BCAR3: variants seen among roughly 807,000 people sequenced by gnomAD.
BCAR3 encodes BCAR3 adaptor protein, NSP family member.
BCAR3 carries 37 observed loss-of-function variants against 80.1 expected under a neutral mutation model. The ratio of observed to expected loss-of-function variants is 0.46; its 90% CI spans 0.36 to 0.61. The LOEUF (loss-of-function observed/expected upper bound fraction) is 0.61, where lower values mean the gene tolerates loss of function less well. Ranked by LOEUF, BCAR3 falls within the 20% of genes least tolerant of loss-of-function variation. The probability of loss-of-function intolerance (pLI) is 0.00; values close to 1 mark genes in which losing one functional copy is unlikely to be tolerated. For synonymous variants in BCAR3, 389 were observed against 418.9 expected, an observed-to-expected ratio of 0.93 and a Z score of 0.87; for missense variants, 978 against 1,068.2, an observed-to-expected ratio of 0.92 and a Z score of 1.18.
chr1:93,716,511 C>T (rs1650195502), intron 2 of BCAR3, among the ~76,000 whole-genome samples: 1 of 152,214 alleles, frequency 6.6e-6, no homozygotes, highest in Non-Finnish European at 1.5e-5. Flanking sequence ...TGACTCTTAT[C>T]TCTCTGTCTT....
intron 2 of BCAR3, among the ~76,000 whole-genome samples, chr1:93,831,296 G>A (rs1036127615): frequency 7.2e-5 from 11 of 152,038 alleles, no homozygotes; most frequent in East Asian, 1.9e-4. Flanking sequence ...GCAACTTTCC[G>A]CCCTCCATTC....
At chr1:93,705,504 ATTGT>A (rs374097257) in intron 3 of BCAR3, among the ~76,000 whole-genome samples, 1 of 152,322 alleles carries the variant, frequency 6.6e-6, no homozygotes, top group African/African-American at 2.4e-5. Flanking sequence ...TCAAATGCCA[ATTGT>A]TTGTTTAGAA....
intron 2 of BCAR3, among the ~76,000 whole-genome samples, chr1:93,834,547 T>C (rs918000210): frequency 6.6e-6 from 1 of 152,176 alleles, no homozygotes; most frequent in Non-Finnish European, 1.5e-5. Flanking sequence ...TTAGAATTCT[T>C]ACCCAAGAGC....
chr1:93,613,705 G>A (rs1461791630), intron 3 of BCAR3: 1 of 1,016,890 alleles, frequency 9.8e-7, no homozygotes, highest in African/African-American at 1.6e-5. Flanking sequence ...AGGGGCTCTT[G>A]AAGACCCATC....
At chr1:93,739,524 G>A (rs1157212797) in intron 2 of BCAR3, among the ~76,000 whole-genome samples, 1 of 152,132 alleles carries the variant, frequency 6.6e-6, no homozygotes, top group Non-Finnish European at 1.5e-5. Context: ...AGTTAACCTT[G>A]CCTATAGAAA....
chr1:93,567,171 ATCCT>A (rs1406819681), intron 11 of BCAR3, 104 bp downstream of exon 11: 2 of 1,334,568 alleles, frequency 1.5e-6, no homozygotes, highest in African/African-American at 2.9e-5. Context: ...CCATTCTTTA[ATCCT>A]TCCTTTTTGG....
At chr1:93,563,855 G>A (rs1043834556) in intron 11 of BCAR3, among the ~76,000 whole-genome samples, 1 of 152,196 alleles carries the variant, frequency 6.6e-6, no homozygotes, top group Non-Finnish European at 1.5e-5. Flanking sequence ...ACCACGCCTG[G>A]CTAATTTTTT....
At chr1:93,571,397 C>G (rs897592543) in intron 9 of BCAR3, 1 of 393,552 alleles carries the variant, frequency 2.5e-6, no homozygotes, top group South Asian at 2.2e-5. Context: ...CTACTTGAGG[C>G]TGAGGCATGA....
At chr1:93,747,260 C>A (rs1322176699) in intron 2 of BCAR3, among the ~76,000 whole-genome samples, 2 of 152,190 alleles carry the variant, frequency 1.3e-5, no homozygotes, top group Non-Finnish European at 2.9e-5. Context: ...GGAAACCAGG[C>A]TCAAAAGGCA....
intron 2 of BCAR3, among the ~76,000 whole-genome samples, chr1:93,647,500 C>G (rs1234263419): frequency 6.6e-6 from 1 of 152,154 alleles, no homozygotes; most frequent in African/African-American, 2.4e-5. Flanking sequence ...AAATCAGCTC[C>G]TCAGTTACAC....
rs1020816641 is a variant in BCAR3 at position 93,614,171 on chromosome 1, T to G, written c.358-21778A>C. 4.7e-6 allele frequency: 6 copies of G among 1,278,766 alleles called. No homozygotes were observed. In the African/African-American group the frequency reaches 9.1e-5, roughly 19 times the overall value. The allele number at this position is 1,278,766 out of a possible 1,614,324, so 79.2% of individuals were successfully genotyped here. ...TCGCAGGCTGGTGTCCAGCCTGCCA[T>G]GCACACAGTGCCAGAAATTCTCATG... On this transcript the variant is annotated intron_variant, in intron 3 of 11. Transcript: ENST00000260502.
intron 7 of BCAR3, among the ~76,000 whole-genome samples, chr1:93,580,543 A>G (rs1011794734): frequency 1.3e-5 from 2 of 151,938 alleles, no homozygotes; most frequent in Non-Finnish European, 2.9e-5. Context: ...CATTGGTATG[A>G]AACATGTAGA....
At chr1:93,757,211 G>A (rs894396314) in intron 2 of BCAR3, among the ~76,000 whole-genome samples, 7 of 152,282 alleles carry the variant, frequency 4.6e-5, no homozygotes, top group African/African-American at 1.7e-4. Context: ...CTTCCAAAAG[G>A]GGCACACAAT....
intron 2 of BCAR3, among the ~76,000 whole-genome samples, chr1:93,708,322 T>C (rs1280175057): frequency 1.3e-5 from 2 of 152,206 alleles, no homozygotes; most frequent in African/African-American, 2.4e-5. Flanking sequence ...CTCTGGCAGA[T>C]GGGACTGATG....
At chr1:93,676,773 A>C (rs1478656813) in intron 1 of BCAR3, among the ~76,000 whole-genome samples, 2 of 152,350 alleles carry the variant, frequency 1.3e-5, no homozygotes, top group East Asian at 3.9e-4. Context: ...GTCATTTCAA[A>C]GAACCTCGTG....
chr1:93,752,315 C>T (rs559415897), intron 2 of BCAR3, among the ~76,000 whole-genome samples: 1 of 152,342 alleles, frequency 6.6e-6, no homozygotes, highest in East Asian at 1.9e-4. Flanking sequence ...TTAGGAATGG[C>T]CCCAGAGCTC....
chr1:93,768,552 T>C (rs1349335055), intron 2 of BCAR3, among the ~76,000 whole-genome samples: 3 of 152,050 alleles, frequency 2.0e-5, no homozygotes, highest in Non-Finnish European at 4.4e-5. Context: ...TGAATCTTGG[T>C]AACTAGGAGA....
chr1:93,575,901 A>ACTGTTACCCCAGGGCTAGGCTGGTG, intron 8 of BCAR3, 113 bp downstream of exon 8: 1 of 817,586 alleles, frequency 1.2e-6, no homozygotes, highest in African/African-American at 1.7e-5. Context: ...GCCCTGAAGT[A>ACTGTTACCCCAGGGCTAGGCTGGTG]CTGTTACCCC....
intron 2 of BCAR3, among the ~76,000 whole-genome samples, chr1:93,772,754 C>T (rs567709061): frequency 2.3e-4 from 35 of 152,132 alleles, no homozygotes; most frequent in South Asian, 1.0e-3. Flanking sequence ...TACAGGAATG[C>T]GCCACCACGC....
Sources: gnomAD v4.1 joint callset for allele counts (sites outside exome capture counted in the v4.1 genomes callset) on GRCh38, gnomAD v4.1.1 for gene constraint, MANE v1.5 for transcripts, NCBI Gene and HGNC (gene_info 2026-07-23, HGNC 2026-07-21) for gene names.